Variants in MBNL2 observed in about 807,000 individuals in gnomAD.
The protein encoded by MBNL2 is muscleblind like splicing regulator 2.
A neutral mutation model predicts 41.9 loss-of-function variants in MBNL2; 17 were observed. The ratio of observed to expected loss-of-function variants is 0.41; its 90% CI spans 0.28 to 0.61. MBNL2 has a LOEUF of 0.61. MBNL2 is among the 20% of genes least tolerant of loss of function. The pLI, the probability that MBNL2 is intolerant of heterozygous loss-of-function variation, is 0.35. For synonymous variants in MBNL2, 195 were observed against 182.9 expected, an observed-to-expected ratio of 1.07 and a Z score of -0.53; for missense variants, 336 against 505.6, an observed-to-expected ratio of 0.66 and a Z score of 3.22.
the MBNL2 span, among the ~76,000 whole-genome samples, chr13:97,171,004 C>T: frequency 5.3e-4 from 81 of 152,284 alleles, 1 homozygote; most frequent in Admixed American, 1.8e-3. Flanking sequence ...TTCTCACTGA[C>T]ATAATTTTTG....
chr13:97,214,366 C>G, the MBNL2 span, among the ~76,000 whole-genome samples: 1 of 152,242 alleles, frequency 6.6e-6, no homozygotes, highest in Non-Finnish European at 1.5e-5. Context: ...ATTTCCTACT[C>G]ATCCTGTACC....
rs1317525463 is a variant in MBNL2 at position 97,346,726 on chromosome 13, C to T, written c.541-78C>T. ...ATTGAAAGCGAGGCAGCCTCCGCTC[C>T]TCCCGCGGTGGCCGGGGCCGCAGGG... On this transcript the variant is annotated intron_variant, in intron 4 of 8. Transcript: ENST00000679496. The surrounding 1 kb of genome is among the most constrained non-coding windows in gnomAD (Gnocchi z 4.2). The T allele has an allele frequency of 8.0e-7, 1 of 1,257,454 alleles. No homozygotes were observed. Among genetic ancestry groups the T allele is most frequent in the East Asian group, 2.4e-5 (1 of 42,486 alleles). 77.9% of individuals were successfully genotyped at this position (1,257,454 alleles called of 1,614,324 possible).
intron 8 of MBNL2, among the ~76,000 whole-genome samples, chr13:97,372,805 A>G (rs1463608233): frequency 6.6e-6 from 1 of 152,214 alleles, no homozygotes; most frequent in African/African-American, 2.4e-5. Context: ...AAATTAACCT[A>G]TACTAACCAA....
chr13:97,305,739 A>G (rs2058062949), intron 2 of MBNL2, among the ~76,000 whole-genome samples: 1 of 151,976 alleles, frequency 6.6e-6, no homozygotes, highest in African/African-American at 2.4e-5. Context: ...ACTGCACTCC[A>G]GCCTGGGCAA....
At chr13:97,154,276 AG>A in the MBNL2 span, among the ~76,000 whole-genome samples, 1 of 152,170 alleles carries the variant, frequency 6.6e-6, no homozygotes, top group Admixed American at 6.5e-5. Context: ...GCTTTCACAG[AG>A]GCTTTTAACC....
chr13:97,203,757 A>G, the MBNL2 span, among the ~76,000 whole-genome samples: 8,159 of 152,232 alleles, frequency 0.054, 293 homozygotes, highest in Non-Finnish European at 0.079. Flanking sequence ...TTAATTATCA[A>G]TCTCCCTCTT....
chr13:97,260,538 A>G (rs954934854), intron 1 of MBNL2, among the ~76,000 whole-genome samples: 1 of 152,210 alleles, frequency 6.6e-6, no homozygotes, highest in African/African-American at 2.4e-5. Flanking sequence ...TGCTGGCTCC[A>G]AGGCAGGGGC....
upstream of MBNL2, chr13:97,222,331 T>G: frequency 2.5e-6 from 1 of 398,420 alleles, no homozygotes; most frequent in East Asian, 3.6e-5. Context: ...GCAACAGAGT[T>G]TAGACTGTCT....
chr13:97,247,155 G>A (rs542907830), intron 1 of MBNL2, among the ~76,000 whole-genome samples: 9 of 152,250 alleles, frequency 5.9e-5, no homozygotes, highest in African/African-American at 2.2e-4. Flanking sequence ...TAATATTAAA[G>A]ATAATAATTG....
the MBNL2 span, among the ~76,000 whole-genome samples, chr13:97,193,841 A>T: frequency 1.6e-4 from 25 of 152,284 alleles, no homozygotes; most frequent in African/African-American, 5.3e-4. Context: ...AGCATCTTCA[A>T]TGAACCTCAC....
upstream of MBNL2, among the ~76,000 whole-genome samples, chr13:97,221,054 A>G (rs2040816552): frequency 6.6e-6 from 1 of 152,226 alleles, no homozygotes. Context: ...TAGTTATTGA[A>G]GAAAGTAGCC....
chr13:97,345,867 C>CCA (rs1270897514), intron 4 of MBNL2, among the ~76,000 whole-genome samples: 2 of 150,182 alleles, frequency 1.3e-5, no homozygotes, highest in Non-Finnish European at 3.0e-5. Context: ...AATTATCCCT[C>CCA]CACACACACA....
intron 5 of MBNL2, among the ~76,000 whole-genome samples, chr13:97,351,759 C>G (rs934152124): frequency 6.6e-6 from 1 of 152,148 alleles, no homozygotes; most frequent in African/African-American, 2.4e-5. Context: ...CGTGGTAGCT[C>G]ATGCCTATAA....
rs374980354 is a variant in MBNL2, at chr13:97,237,430, G to A, written c.-605+14899G>A. ...GGATGAGGAGAAAATTATTTCTTAA[G>A]TCTTTCCCATTTCCTTTCCCCTCAT... On this transcript the variant is annotated intron_variant, in intron 1 of 8. Transcript: ENST00000679496. Among the ~76,000 whole-genome samples the A allele has an allele frequency of 6.6e-5, 10 of 152,346 alleles. No individual in the cohort carries two copies. In the South Asian group the frequency reaches 1.0e-3, roughly 16 times the overall value.
At chr13:97,219,646 C>T (rs181705337), upstream of MBNL2, among the ~76,000 whole-genome samples, 1 of 152,288 alleles carries the variant, frequency 6.6e-6, no homozygotes, top group Admixed American at 6.5e-5. Context: ...GAAGACTCCA[C>T]CCTCACGACC....
chr13:97,149,993 G>C, the MBNL2 span, among the ~76,000 whole-genome samples: 1 of 152,222 alleles, frequency 6.6e-6, no homozygotes, highest in African/African-American at 2.4e-5. Context: ...TGACAACTTA[G>C]AACGGGTTTT....
At chr13:97,341,574 T>C (rs1226592199) in intron 3 of MBNL2, among the ~76,000 whole-genome samples, 2 of 152,168 alleles carry the variant, frequency 1.3e-5, no homozygotes, top group South Asian at 2.1e-4. Flanking sequence ...TATTGCAACT[T>C]TCTCCCAAAG....
At chr13:97,367,054 A>T (rs1160349982) in intron 8 of MBNL2, among the ~76,000 whole-genome samples, 1 of 152,180 alleles carries the variant, frequency 6.6e-6, no homozygotes, top group Non-Finnish European at 1.5e-5. Context: ...GGTTCTGCCA[A>T]ACTCACTTGG....
chr13:97,213,252 G>C, the MBNL2 span, among the ~76,000 whole-genome samples: 5 of 152,174 alleles, frequency 3.3e-5, no homozygotes, highest in South Asian at 1.0e-3. Context: ...AGAGAGTGAG[G>C]GAAGTTCTGA....
Sources: gnomAD v4.1 joint callset for allele counts (sites outside exome capture counted in the v4.1 genomes callset) on GRCh38, gnomAD v4.1.1 for gene constraint, Gnocchi (gnomAD v3.1) non-coding constraint, MANE v1.5 for transcripts, NCBI Gene and HGNC (gene_info 2026-07-23, HGNC 2026-07-21) for gene names.